The following SPAST variants were observed in gnomAD, a reference collection of about 807,000 sequenced individuals.
SPAST encodes spastic paraplegia 4 (autosomal dominant; spastin).
Under a neutral mutation model 76.6 loss-of-function variants are expected in SPAST, and 30 were observed. The ratio of observed to expected loss-of-function variants is 0.39; its 90% CI spans 0.29 to 0.53. SPAST has a LOEUF of 0.53. Ranked by LOEUF, SPAST falls within the 20% of genes least tolerant of loss-of-function variation. The pLI is 0.68. For missense variants in SPAST, 717 were observed against 770.5 expected, an observed-to-expected ratio of 0.93 and a Z score of 0.82; for synonymous variants, 305 against 281.0, an observed-to-expected ratio of 1.09 and a Z score of -0.86.
chr2:32,144,795 A>G (rs1679832070), intron 14 of SPAST, 142 bp from the exon 15 acceptor site: 6 of 661,370 alleles, frequency 9.1e-6, no homozygotes, highest in Non-Finnish European at 1.7e-5. Context: ...AGGCTGAGGT[A>G]GGAGAATCGC....
intron 7 of SPAST, among the ~76,000 whole-genome samples, chr2:32,119,302 G>A (rs1010844040): frequency 1.3e-5 from 2 of 152,026 alleles, no homozygotes; most frequent in African/African-American, 2.4e-5. Flanking sequence ...CCCATAACAC[G>A]CCTCTATTGT....
intron 1 of SPAST, among the ~76,000 whole-genome samples, chr2:32,067,349 G>A (rs1287636057): frequency 6.6e-6 from 1 of 151,980 alleles, no homozygotes; most frequent in Non-Finnish European, 1.5e-5. Context: ...GGTGTGAGCC[G>A]CGGTGACCGA....
At chr2:32,066,988 A>AC (rs1676542831) in intron 1 of SPAST, among the ~76,000 whole-genome samples, 1 of 58,504 alleles carries the variant, frequency 1.7e-5, no homozygotes, top group Non-Finnish European at 3.8e-5. Flanking sequence ...AAAAAAAAAA[A>AC]AAAACCAAAA....
At chr2:32,071,028 G>C (rs867616708) in intron 1 of SPAST, among the ~76,000 whole-genome samples, 1 of 152,152 alleles carries the variant, frequency 6.6e-6, no homozygotes, top group South Asian at 2.1e-4. Flanking sequence ...TGTAATGCTG[G>C]TAATGAGCTC....
At chr2:32,146,417 C>G (rs1443638825) in intron 15 of SPAST, among the ~76,000 whole-genome samples, 1 of 151,850 alleles carries the variant, frequency 6.6e-6, no homozygotes, top group East Asian at 1.9e-4. Flanking sequence ...ATAAATTAAC[C>G]AGGCCCGTTG....
At chr2:32,066,351 G>T (rs942154966) in intron 1 of SPAST, among the ~76,000 whole-genome samples, 3 of 152,172 alleles carry the variant, frequency 2.0e-5, no homozygotes, top group African/African-American at 7.2e-5. Context: ...CAAAGTTTTA[G>T]AATAGAGGAA....
At chr2:32,140,993 T>A (rs1679702713) in intron 12 of SPAST, among the ~76,000 whole-genome samples, 1 of 151,506 alleles carries the variant, frequency 6.6e-6, no homozygotes, top group South Asian at 2.1e-4. Flanking sequence ...TTTCCTTTTT[T>A]GCTTATTATT....
At chr2:32,094,977 A>T (rs1287392289) in intron 3 of SPAST, among the ~76,000 whole-genome samples, 4 of 152,234 alleles carry the variant, frequency 2.6e-5, no homozygotes, top group African/African-American at 7.2e-5. Context: ...TCAAAGCCAG[A>T]AAAAAAGATT....
intron 16 of SPAST, among the ~76,000 whole-genome samples, chr2:32,149,790 AT>A (rs1680015144): frequency 6.6e-6 from 1 of 152,154 alleles, no homozygotes; most frequent in African/African-American, 2.4e-5. Context: ...ATACTGCACC[AT>A]TTTACATAAG....
rs764268577 is a variant in SPAST at position 32,064,087 on chromosome 2, C to G, written c.256C>G (p.Leu86Val). Residue 86 changes from leucine (L) to valine (V), a missense_variant, in exon 1 of 17, where the codon CTC becomes GTC. This residue lies in a region of SPAST where 543 missense variants were observed against 445.2 expected (regional missense o/e 1.22). Coordinates refer to ENST00000315285, the MANE Select transcript of SPAST (RefSeq NM_014946.4). ...VWLCQRFSRA[L>V]MAAKRSSGAA... Reference sequence around the variant, plus strand: ...GCTCTGCCAGCGCTTCTCCCGCGCCCTCATGGCAGCCAAGAGGAGCTCCGG... The same window carrying G: ...GCTCTGCCAGCGCTTCTCCCGCGCCGTCATGGCAGCCAAGAGGAGCTCCGG... 16 of 1,611,400 alleles carry G rather than the reference C, an allele frequency of 9.9e-6. No individual in the cohort carries two copies. The highest frequency in any genetic ancestry group is 2.2e-5 in the East Asian group (1 of 44,786).
In SPAST at chr2:32,148,810, C is replaced by CAAA. The variant is rs372253559; in HGVS notation, c.1728+1565_1728+1567dup. ...TGGGCGACAGAGCAAGACTCCATCT[C>CAAA]AAAAAAAAAAAAAAATAGCTGGGCA... On this transcript the variant is annotated intron_variant, in intron 16 of 16. Coordinates refer to ENST00000315285, the MANE Select transcript of SPAST (RefSeq NM_014946.4). Among the ~76,000 whole-genome samples, 280 of 120,652 alleles carry CAAA rather than the reference C, an allele frequency of 2.3e-3. 3 individuals carry two copies. Among genetic ancestry groups the CAAA allele is most frequent in the African/African-American group, 6.2e-3 (198 of 32,052 alleles). The allele number at this position is 120,652 out of a possible 152,430, so 79.2% of individuals were successfully genotyped here. A position where few individuals can be genotyped will look rare whatever the true frequency, so the allele number is the denominator to read the frequency against.
chr2:32,137,266 C>A (rs1183371194), intron 12 of SPAST, 78 bp downstream of exon 12: 2 of 1,130,234 alleles, frequency 1.8e-6, no homozygotes, highest in South Asian at 1.2e-5. Flanking sequence ...ATATTATTTC[C>A]TTACTCTCAG....
intron 4 of SPAST, among the ~76,000 whole-genome samples, chr2:32,101,776 C>G (rs1280996815): frequency 2.6e-5 from 4 of 152,058 alleles, no homozygotes; most frequent in African/African-American, 7.2e-5. Context: ...TCAAAGATCA[C>G]ATGGTTGTAG....
intron 1 of SPAST, among the ~76,000 whole-genome samples, chr2:32,078,532 C>T (rs528132880): frequency 2.6e-5 from 4 of 152,234 alleles, no homozygotes; most frequent in African/African-American, 9.6e-5. Context: ...TGTCTCTAGT[C>T]CCAGCTACTC....
At chr2:32,099,910 C>G (rs1192479188) in intron 4 of SPAST, among the ~76,000 whole-genome samples, 1 of 151,972 alleles carries the variant, frequency 6.6e-6, no homozygotes, top group Admixed American at 6.6e-5. Context: ...ATTCATTCGT[C>G]TGTTCTTGGA....
At chr2:32,080,052 G>A (rs1486728335) in intron 1 of SPAST, among the ~76,000 whole-genome samples, 1 of 152,166 alleles carries the variant, frequency 6.6e-6, no homozygotes, top group Non-Finnish European at 1.5e-5. Context: ...CCCACCAGCA[G>A]TGTACAAGGG....
intron 15 of SPAST, among the ~76,000 whole-genome samples, chr2:32,146,114 C>G (rs1679877500): frequency 6.6e-6 from 1 of 152,140 alleles, no homozygotes; most frequent in Non-Finnish European, 1.5e-5. Context: ...TCTGGATGAA[C>G]AAATTTTCTT....
intron 4 of SPAST, among the ~76,000 whole-genome samples, chr2:32,105,803 T>A (rs774046439): frequency 1.3e-5 from 2 of 152,152 alleles, no homozygotes; most frequent in African/African-American, 4.8e-5. Context: ...AATGTTGCTG[T>A]CTGATCCTTC....
chr2:32,096,050 G>A (rs563075591), intron 3 of SPAST, among the ~76,000 whole-genome samples: 1 of 152,296 alleles, frequency 6.6e-6, no homozygotes, highest in East Asian at 1.9e-4. Flanking sequence ...GATGTGAGGA[G>A]GTAAAGCAGC....
Sources: allele counts gnomAD v4.1 joint callset (sites outside exome capture counted in the v4.1 genomes callset), GRCh38; gene constraint gnomAD v4.1.1; regional missense constraint gnomAD v4.1.1; transcripts MANE v1.5; gene names NCBI Gene and HGNC (gene_info 2026-07-23, HGNC 2026-07-21).